Variants in TSPAN5 observed in about 807,000 individuals in gnomAD.
TSPAN5 encodes the protein tetraspanin-5.
TSPAN5 carries 10 observed loss-of-function variants against 37.1 expected under a neutral mutation model. The ratio of observed to expected loss-of-function variants is 0.27; its 90% CI spans 0.17 to 0.46. The LOEUF is 0.46. Ranked by LOEUF, TSPAN5 falls within the 20% of genes least tolerant of loss-of-function variation. The probability of loss-of-function intolerance (pLI) is 1.00; values close to 1 mark genes in which losing one functional copy is unlikely to be tolerated. For missense variants in TSPAN5, 195 were observed against 326.6 expected (o/e 0.60, Z 3.11); for synonymous variants, 110 against 118.9 (o/e 0.93, Z 0.48).
At chr4:98,563,349 T>A (rs146190377) in intron 1 of TSPAN5, among the ~76,000 whole-genome samples, 231 of 152,296 alleles carry the variant, frequency 1.5e-3, no homozygotes, top group African/African-American at 5.2e-3. Context: ...TCTTACATCC[T>A]CTACATTTAA....
chr4:98,529,065 CT>C (rs5860537), intron 1 of TSPAN5, among the ~76,000 whole-genome samples: 85,125 of 151,974 alleles, frequency 0.56, 24,547 homozygotes, highest in African/African-American at 0.69. Context: ...ACTCCAAGCT[CT>C]GTACCACAAA....
chr4:98,574,598 G>T (rs1755193325), intron 1 of TSPAN5: 1 of 152,198 alleles, frequency 6.6e-6, no homozygotes, highest in Non-Finnish European at 1.5e-5. Flanking sequence ...GTGTCACAAA[G>T]AATAGTAACA....
chr4:98,609,407 C>T (rs1389714423), intron 1 of TSPAN5, among the ~76,000 whole-genome samples: 5 of 152,090 alleles, frequency 3.3e-5, no homozygotes, highest in Non-Finnish European at 7.4e-5. Flanking sequence ...GGAGGTAAAA[C>T]CAGATGGCAT....
intron 1 of TSPAN5, among the ~76,000 whole-genome samples, chr4:98,631,393 C>T (rs1579043677): frequency 6.6e-6 from 1 of 152,200 alleles, no homozygotes; most frequent in African/African-American, 2.4e-5. Context: ...CTTCACTGCA[C>T]ATGTTCCATC....
chr4:98,520,668 A>G (rs1230681339), intron 1 of TSPAN5, among the ~76,000 whole-genome samples: 3 of 152,248 alleles, frequency 2.0e-5, no homozygotes, highest in Non-Finnish European at 4.4e-5. Flanking sequence ...CACCTGCTGC[A>G]ATGTCACAAG....
At position 98,532,156 on chromosome 4, in the gene TSPAN5, T is replaced by A. The variant is rs534228274; in HGVS notation, c.82-24428A>T. Among the ~76,000 whole-genome samples the A allele has an allele frequency of 1.1e-4, 16 of 152,362 alleles. No homozygotes were observed. In the South Asian group the frequency reaches 1.2e-3, roughly 12 times the overall value. ...CCCATGCCTATGTCCTGAATGGTACTGCCCAGGTTTTCTTCTAGGATTTTT... is the reference window on the plus strand; with the variant it reads ...CCCATGCCTATGTCCTGAATGGTACAGCCCAGGTTTTCTTCTAGGATTTTT... On this transcript the variant is annotated intron_variant, in intron 1 of 7. Transcript: ENST00000305798.
chr4:98,498,218 A>C lies in TSPAN5; in HGVS notation c.132+9460T>G, dbSNP rs549675648. ...CTTACCCATGTGAGGAGACAGACAC[A>C]GAGAGGAACTAACATGCCCAGGTAG... On this transcript the variant is annotated intron_variant, in intron 2 of 7. Transcript: ENST00000305798. Among the ~76,000 whole-genome samples the C allele has an allele frequency of 1.4e-3, 216 of 152,256 alleles. 1 individual carries two copies. Among genetic ancestry groups the C allele is most frequent in the Middle Eastern group, 0.01 (3 of 294 alleles).
chr4:98,583,585 C>T (rs1271070403), intron 1 of TSPAN5, among the ~76,000 whole-genome samples: 4 of 152,228 alleles, frequency 2.6e-5, no homozygotes, highest in East Asian at 1.9e-4. Flanking sequence ...TCCTGACCCA[C>T]GTTCAACTTG....
intron 1 of TSPAN5, among the ~76,000 whole-genome samples, chr4:98,517,748 C>T (rs1011893084): frequency 6.6e-6 from 1 of 152,108 alleles, no homozygotes; most frequent in African/African-American, 2.4e-5. Context: ...ATGAGCCATC[C>T]TCTTTTGGAT....
In TSPAN5 at chr4:98,593,210, G is replaced by A. The variant is rs1432181653; in HGVS notation, c.81+64936C>T. Among the ~76,000 whole-genome samples the A allele has an allele frequency of 6.0e-4, 6 of 10,042 alleles. No homozygotes were observed. In the South Asian group the frequency reaches 0.012, roughly 21 times the overall value. 6.6% of individuals were successfully genotyped at this position (10,042 alleles called of 152,430 possible). A position where few individuals can be genotyped will look rare whatever the true frequency, so the allele number is the denominator to read the frequency against. ...CCAGTGATGATGAGCATTTTTTCAT[G>A]TGTTTTTTGGCTGCATAAATGTCTT... On this transcript the variant is annotated intron_variant, in intron 1 of 7. Coordinates refer to ENST00000305798, the MANE Select transcript of TSPAN5 (RefSeq NM_005723.4).
intron 2 of TSPAN5, among the ~76,000 whole-genome samples, chr4:98,505,872 C>T (rs918461586): frequency 2.0e-5 from 3 of 152,154 alleles, no homozygotes; most frequent in South Asian, 2.1e-4. Context: ...AGGTTAACTT[C>T]GGATCTCAAG....
At chr4:98,507,776 T>C in intron 1 of TSPAN5, 48 bp from the exon 2 acceptor site, 1 of 1,387,130 alleles carries the variant, frequency 7.2e-7, no homozygotes, top group Non-Finnish European at 1.0e-6. Context: ...ATGCCGCTAA[T>C]ATAAAGAAGA....
At chr4:98,484,502 ATTCTCT>A (rs1300871340) in intron 3 of TSPAN5, 1 of 455,944 alleles carries the variant, frequency 2.2e-6, no homozygotes, top group African/African-American at 2.0e-5. Context: ...AAACAACACA[ATTCTCT>A]TCATTTCCAA....
intron 1 of TSPAN5, 42 bp from the exon 2 acceptor site, chr4:98,507,770 C>T (rs373656340): frequency 1.4e-5 from 20 of 1,429,324 alleles, no homozygotes; most frequent in Middle Eastern, 2.1e-4. Flanking sequence ...GGGAAAATGC[C>T]GCTAATATAA....
intron 1 of TSPAN5, among the ~76,000 whole-genome samples, chr4:98,550,323 T>C (rs371459775): frequency 2.6e-5 from 4 of 152,202 alleles, no homozygotes; most frequent in Non-Finnish European, 5.9e-5. Context: ...ACGTGACGCC[T>C]CTAGATTTTT....
chr4:98,589,864 G>C (rs1158319273), intron 1 of TSPAN5, among the ~76,000 whole-genome samples: 1 of 152,174 alleles, frequency 6.6e-6, no homozygotes, highest in Non-Finnish European at 1.5e-5. Flanking sequence ...CTCTGTGGAA[G>C]GTGGTGGGGT....
intron 1 of TSPAN5, among the ~76,000 whole-genome samples, chr4:98,608,003 G>A (rs991391526): frequency 1.2e-4 from 19 of 152,232 alleles, no homozygotes; most frequent in African/African-American, 4.3e-4. Flanking sequence ...GAGCCACTGC[G>A]CCGGGCCATG....
At chr4:98,625,943 G>A (rs11938081) in intron 1 of TSPAN5, among the ~76,000 whole-genome samples, 89,560 of 152,080 alleles carry the variant, frequency 0.59, 28,057 homozygotes, top group African/African-American at 0.81. Flanking sequence ...CTATGTTTAT[G>A]AGAAATAAAG....
At chr4:98,601,271 C>A (rs1162708645) in intron 1 of TSPAN5, among the ~76,000 whole-genome samples, 1 of 152,200 alleles carries the variant, frequency 6.6e-6, no homozygotes, top group Admixed American at 6.5e-5. Flanking sequence ...GTCAGCCTGT[C>A]ATTTGAAGCC....
Sources: allele counts gnomAD v4.1 joint callset (sites outside exome capture counted in the v4.1 genomes callset), GRCh38; gene constraint gnomAD v4.1.1; transcripts MANE v1.5; gene names NCBI Gene and HGNC (gene_info 2026-07-23, HGNC 2026-07-21).